ABLIM2: variants seen among roughly 807,000 people sequenced by gnomAD.
The protein encoded by ABLIM2 is actin-binding LIM protein 2.
In ABLIM2, 53 loss-of-function variants were observed where a neutral mutation model predicts 97.7. That is an observed-to-expected ratio of 0.54 (90% CI 0.44 to 0.68). ABLIM2 has a LOEUF of 0.68. Ranked by LOEUF, ABLIM2 falls within the 30% of genes least tolerant of loss-of-function variation. The probability of loss-of-function intolerance (pLI) is 0.00; values close to 1 mark genes in which losing one functional copy is unlikely to be tolerated. For missense variants in ABLIM2, 835 were observed against 867.2 expected, an observed-to-expected ratio of 0.96 and a Z score of 0.47; for synonymous variants, 361 against 345.8, an observed-to-expected ratio of 1.04 and a Z score of -0.49.
intron 8 of ABLIM2, among the ~76,000 whole-genome samples, chr4:8,053,417 C>G (rs1049158380): frequency 6.6e-6 from 1 of 152,198 alleles, no homozygotes. Context: ...TCACCAGGAC[C>G]TCCTGAGGCT....
intron 20 of ABLIM2, among the ~76,000 whole-genome samples, chr4:7,978,983 G>GCACTCACTGGATTCACAGCCTCACCTGCA (rs1560373123): frequency 6.6e-6 from 1 of 152,084 alleles, no homozygotes; most frequent in African/African-American, 2.4e-5. Context: ...CCTCATCTGC[G>GCACTCACTGGATTCACAGCCTCACCTGCA]CACTCACTGG....
intron 20 of ABLIM2, among the ~76,000 whole-genome samples, chr4:7,972,196 G>A (rs1015440853): frequency 1.3e-5 from 2 of 152,202 alleles, no homozygotes; most frequent in African/African-American, 4.8e-5. Context: ...AGAGGGGACA[G>A]CGGCTTAGCG....
intron 17 of ABLIM2, among the ~76,000 whole-genome samples, chr4:7,987,480 T>A (rs1427926776): frequency 1.4e-5 from 2 of 144,156 alleles, no homozygotes; most frequent in African/African-American, 5.5e-5. Context: ...GGTGCACCTG[T>A]TCTGGTCAGG....
intron 2 of ABLIM2, among the ~76,000 whole-genome samples, chr4:8,103,699 T>C (rs1422149855): frequency 1.3e-5 from 2 of 152,216 alleles, no homozygotes; most frequent in African/African-American, 4.8e-5. Context: ...GAAGAGGTTA[T>C]GGTTATTCCC....
rs373097400 is a variant in ABLIM2 at position 8,126,935 on chromosome 4, C to T, written c.11-20298G>A. 2.4e-4 allele frequency among the ~76,000 whole-genome samples: 36 copies of T among 152,082 alleles called. No homozygotes were observed. In the East Asian group the frequency reaches 2.7e-3, roughly 11 times the overall value. On this transcript the variant is annotated intron_variant, in intron 1 of 20. Transcript: ENST00000447017. ...ATTAAAAATTAGCCAGGTCTGGTGGCGTGCACCTTAGTTTCAGCTACCCGG... is the reference window on the plus strand; with the variant it reads ...ATTAAAAATTAGCCAGGTCTGGTGGTGTGCACCTTAGTTTCAGCTACCCGG...
chr4:7,989,354 T>C (rs1398540981), intron 17 of ABLIM2: 3 of 965,104 alleles, frequency 3.1e-6, no homozygotes, highest in Admixed American at 6.2e-5. Flanking sequence ...GCTGGGATTA[T>C]AGGCCTGAAC....
intron 8 of ABLIM2, among the ~76,000 whole-genome samples, chr4:8,051,322 G>T (rs1194317241): frequency 6.6e-6 from 1 of 152,138 alleles, no homozygotes; most frequent in Non-Finnish European, 1.5e-5. Context: ...GCCGAGGCGG[G>T]CGGATCCCGA....
Position 7,978,926 on chromosome 4 carries a change from G to A in ABLIM2, c.1824+4338C>T, listed in dbSNP as rs190954828. Reference sequence around the variant, plus strand: ...CCAAGAGAGGTCTTGAGGATGAGACGGCAGGGGCGCCTCCTGAGTGTGAGG... The same window carrying A: ...CCAAGAGAGGTCTTGAGGATGAGACAGCAGGGGCGCCTCCTGAGTGTGAGG... On this transcript the variant is annotated intron_variant, in intron 20 of 20. Transcript: ENST00000447017. 1.1e-4 allele frequency among the ~76,000 whole-genome samples: 16 copies of A among 152,284 alleles called. No individual in the cohort carries two copies. The East Asian group carries it at 2.1e-3, about 20-fold the overall frequency.
Position 7,999,918 on chromosome 4 carries a change from G to C in ABLIM2, c.1619-6991C>G, listed in dbSNP as rs760671075. Among the ~76,000 whole-genome samples the C allele has an allele frequency of 7.2e-5, 11 of 152,186 alleles. No homozygotes were observed. Among genetic ancestry groups the C allele is most frequent in the Non-Finnish European group, 1.5e-5 (1 of 68,022 alleles). ...TCTCCACAGGTCTGTCCTCTTCCAG[G>C]CTGGCTCATCAGAGGTCAAAGTCAC... On this transcript the variant is annotated intron_variant, in intron 16 of 20. Transcript: ENST00000447017. This position sits in a 1 kb window ranked among gnomAD's most constrained non-coding sequence, Gnocchi z 4.4.
intron 8 of ABLIM2, 56 bp from the exon 9 acceptor site, chr4:8,045,297 G>C: frequency 1.4e-6 from 2 of 1,473,856 alleles, no homozygotes; most frequent in Admixed American, 1.7e-5. Flanking sequence ...GGGGCCTTCA[G>C]AGGCGACTGT....
rs1851913459 is a variant in ABLIM2 at position 8,147,023 on chromosome 4, T to C, written c.10+11657A>G. 1.3e-5 allele frequency among the ~76,000 whole-genome samples: 2 copies of C among 152,194 alleles called. No homozygotes were observed. Among genetic ancestry groups the C allele is most frequent in the African/African-American group, 4.8e-5 (2 of 41,438 alleles). On this transcript the variant is annotated intron_variant, in intron 1 of 20. Coordinates refer to ENST00000447017, the MANE Select transcript of ABLIM2 (RefSeq NM_001130083.2). This position sits in a 1 kb window ranked among gnomAD's most constrained non-coding sequence, Gnocchi z 5.3. ...GGTTGGACATTTACGTTGCAGAGCA[T>C]GTAACCCCTGCAATCAACGGCTTTT... is the stretch of plus-strand genomic sequence containing the variant.
chr4:8,064,653 A>T (rs554156056), intron 6 of ABLIM2, among the ~76,000 whole-genome samples: 17 of 152,288 alleles, frequency 1.1e-4, no homozygotes, highest in African/African-American at 3.6e-4. Flanking sequence ...AACATGGAGG[A>T]TGCTGGTGAA....
At chr4:7,993,592 C>A (rs992655070) in intron 16 of ABLIM2, among the ~76,000 whole-genome samples, 1 of 152,012 alleles carries the variant, frequency 6.6e-6, no homozygotes, top group Admixed American at 6.5e-5. Flanking sequence ...TGGGAGGATC[C>A]CTTGAGCCCA....
Position 8,149,324 on chromosome 4 carries a change from T to A in ABLIM2, c.10+9356A>T, listed in dbSNP as rs533960884. Among the ~76,000 whole-genome samples, 1 of 152,146 alleles carries A rather than the reference T, an allele frequency of 6.6e-6. No individual in the cohort carries two copies. Among genetic ancestry groups the A allele is most frequent in the East Asian group, 2.0e-4 (1 of 5,128 alleles). ...AGTCATTTTGCCGCATGAGGTCACA[T>A]AGTCACAGGGCCTGGGATTAGGACA... On this transcript the variant is annotated intron_variant, in intron 1 of 20. Transcript: ENST00000447017. This position sits in a 1 kb window ranked among gnomAD's most constrained non-coding sequence, Gnocchi z 6.4.
At position 8,127,755 on chromosome 4, in the gene ABLIM2, C is replaced by T; in HGVS notation, c.11-21118G>A. 1 of 972,358 alleles carries T rather than the reference C, an allele frequency of 1.0e-6. No individual in the cohort carries two copies. The highest frequency in any genetic ancestry group is 1.1e-4 in the East Asian group (1 of 8,696). The allele number at this position is 972,358 out of a possible 1,614,324, so 60.2% of individuals were successfully genotyped here. On this transcript the variant is annotated intron_variant, in intron 1 of 20. Transcript: ENST00000447017. This position sits in a 1 kb window ranked among gnomAD's most constrained non-coding sequence, Gnocchi z 7.3. ...CGGGGAGGGGCAGAGCCAAGCCCTT[C>T]CCGGCACACTGAAATAGACTCCCGC...
rs532956756 is a variant in ABLIM2, at chr4:7,992,052, C to T, written c.1680+814G>A. Among the ~76,000 whole-genome samples, 8 of 152,278 alleles carry T rather than the reference C, an allele frequency of 5.3e-5. No homozygotes were observed. Among genetic ancestry groups the T allele is most frequent in the Admixed American group, 6.5e-5 (1 of 15,302 alleles). On this transcript the variant is annotated intron_variant, in intron 17 of 20. Transcript: ENST00000447017. The surrounding 1 kb of genome is among the most constrained non-coding windows in gnomAD (Gnocchi z 5.7). ...TCCAGACTGGGACGAGGCTGCCTTG[C>T]GCAATGGGGAGACCCCTGGGCTGTG...
chr4:8,127,943 C>A lies in ABLIM2; in HGVS notation c.11-21306G>T, dbSNP rs976375504. Among the ~76,000 whole-genome samples, 3 of 152,164 alleles carry A rather than the reference C, an allele frequency of 2.0e-5. No individual in the cohort carries two copies. Among genetic ancestry groups the A allele is most frequent in the Non-Finnish European group, 4.4e-5 (3 of 68,032 alleles). On this transcript the variant is annotated intron_variant, in intron 1 of 20. Coordinates refer to ENST00000447017, the MANE Select transcript of ABLIM2 (RefSeq NM_001130083.2). The surrounding 1 kb of genome is among the most constrained non-coding windows in gnomAD (Gnocchi z 7.3). Reference sequence around the variant, plus strand: ...TGAGCTCACAACCCCCACAGCCCCGCGTGCTGGGAGTGACAGCCTGCACCA... The same window carrying A: ...TGAGCTCACAACCCCCACAGCCCCGAGTGCTGGGAGTGACAGCCTGCACCA...
At chr4:8,121,154 T>C (rs1430820938) in intron 1 of ABLIM2, among the ~76,000 whole-genome samples, 1 of 152,176 alleles carries the variant, frequency 6.6e-6, no homozygotes, top group Non-Finnish European at 1.5e-5. Context: ...ATCTGCAAAG[T>C]GGGACACTGA....
chr4:8,078,118 G>A (rs1270929240), intron 5 of ABLIM2, among the ~76,000 whole-genome samples: 1 of 152,164 alleles, frequency 6.6e-6, no homozygotes, highest in African/African-American at 2.4e-5. Context: ...GACAGTAAGG[G>A]CACCCACATT....
Sources: allele counts gnomAD v4.1 joint callset (sites outside exome capture counted in the v4.1 genomes callset), GRCh38; gene constraint gnomAD v4.1.1; non-coding constraint Gnocchi (gnomAD v3.1); transcripts MANE v1.5; gene names NCBI Gene and HGNC (gene_info 2026-07-23, HGNC 2026-07-21).